ELL: variants seen among roughly 807,000 people sequenced by gnomAD.
ELL encodes elongation factor for RNA polymerase II, also known as RNA polymerase II elongation factor ELL.
In ELL, 18 loss-of-function variants were observed where a neutral mutation model predicts 64.0. The ratio of observed to expected loss-of-function variants is 0.28; its 90% confidence interval spans 0.19 to 0.42. ELL has a LOEUF of 0.42. Ranked by LOEUF, ELL falls within the 10% of genes least tolerant of loss-of-function variation. ELL has a pLI of 1.00. For synonymous variants in ELL, 399 were observed against 376.2 expected, an observed-to-expected ratio of 1.06 and a Z score of -0.70; for missense variants, 797 against 870.4, an observed-to-expected ratio of 0.92 and a Z score of 1.06.
At chr19:18,451,682 G>A in intron 6 of ELL, 34 bp from the exon 7 acceptor site, 9 of 1,463,030 alleles carry the variant, frequency 6.2e-6, no homozygotes, top group Non-Finnish European at 8.0e-6. Context: ...GTCAGAAGGT[G>A]CTGAGGGGGC....
At chr19:18,477,561 T>C (rs1568387155) in intron 1 of ELL, among the ~76,000 whole-genome samples, 2 of 152,068 alleles carry the variant, frequency 1.3e-5, no homozygotes, top group South Asian at 2.1e-4. Flanking sequence ...TCGCCCCAAG[T>C]GCCGAGGTGC....
intron 2 of ELL, among the ~76,000 whole-genome samples, chr19:18,469,951 A>G (rs1975029312): frequency 6.6e-6 from 1 of 152,264 alleles, no homozygotes. Context: ...CGATGAGCCC[A>G]GTGCAGGCTC....
At chr19:18,446,576 C>A (rs1021187996) in intron 9 of ELL, 96 bp from the exon 10 acceptor site, 189 of 1,521,442 alleles carry the variant, frequency 1.2e-4, no homozygotes, top group Middle Eastern at 8.6e-4. Context: ...CCTGGCCTCT[C>A]GGGTGATTCC....
rs376244233 is a variant in ELL at position 18,488,595 on chromosome 19, G to A, written c.136-15713C>T. Among the ~76,000 whole-genome samples, 7 of 152,278 alleles carry A rather than the reference G, an allele frequency of 4.6e-5. No homozygotes were observed. The South Asian group carries it at 1.5e-3, about 32-fold the overall frequency. On this transcript the variant is annotated intron_variant, in intron 1 of 11. Coordinates refer to ENST00000262809, the MANE Select transcript of ELL (RefSeq NM_006532.4). ...GAACATGCTCTGCCAGGTGCTCAGC[G>A]CCCACACACCCTCAAAAGTCTGATC...
At chr19:18,461,214 C>G (rs562208147) in intron 5 of ELL, among the ~76,000 whole-genome samples, 1 of 152,214 alleles carries the variant, frequency 6.6e-6, no homozygotes. Flanking sequence ...CTGCCAGGCA[C>G]GTGTAGATTC....
At chr19:18,494,549 C>T (rs907182312) in intron 1 of ELL, among the ~76,000 whole-genome samples, 4 of 152,120 alleles carry the variant, frequency 2.6e-5, no homozygotes, top group African/African-American at 9.7e-5. Context: ...TGCCACCACA[C>T]CTGACTAATT....
intron 6 of ELL, among the ~76,000 whole-genome samples, chr19:18,454,159 C>T (rs957753325): frequency 2.6e-5 from 4 of 152,138 alleles, no homozygotes; most frequent in African/African-American, 9.7e-5. Flanking sequence ...AAATGGATGA[C>T]TTGTGTTACA....
chr19:18,445,211 AAG>A lies in ELL; in HGVS notation c.1749+11_1749+12del. On this transcript the variant is annotated intron_variant, in intron 11 of 11. Transcript: ENST00000262809. ...GCTCACTTGGAGCCCACCCCAACAC[AAG>A]AGACACTCACCTTTTTGATTTTTCG... The A allele has an allele frequency of 1.9e-6, 3 of 1,614,086 alleles. No individual in the cohort carries two copies. The highest frequency in any genetic ancestry group is 2.5e-6 in the Non-Finnish European group (3 of 1,180,020).
intron 1 of ELL, among the ~76,000 whole-genome samples, chr19:18,498,114 C>T (rs1246970931): frequency 1.3e-5 from 2 of 150,702 alleles, no homozygotes; most frequent in Non-Finnish European, 1.5e-5. Flanking sequence ...GCAACAAGAG[C>T]GAAACTTGGT....
intron 1 of ELL, among the ~76,000 whole-genome samples, chr19:18,511,680 C>T (rs1976026723): frequency 6.6e-6 from 1 of 152,148 alleles, no homozygotes; most frequent in South Asian, 2.1e-4. Context: ...GCCCCAGCTC[C>T]CTCTGACAGT....
At chr19:18,457,037 C>T (rs1462485889) in intron 6 of ELL, among the ~76,000 whole-genome samples, 1 of 152,120 alleles carries the variant, frequency 6.6e-6, no homozygotes, top group South Asian at 2.1e-4. Flanking sequence ...GGGACATCAA[C>T]CCTGCCCCCT....
chr19:18,488,209 C>T (rs190659200), intron 1 of ELL, among the ~76,000 whole-genome samples: 3 of 152,290 alleles, frequency 2.0e-5, no homozygotes, highest in Non-Finnish European at 4.4e-5. Context: ...TGGGTTAGGT[C>T]GTGGGTAAGC....
At chr19:18,515,720 C>A (rs1438390605) in intron 1 of ELL, among the ~76,000 whole-genome samples, 1 of 152,168 alleles carries the variant, frequency 6.6e-6, no homozygotes, top group Admixed American at 6.5e-5. Context: ...CTCTTGGGGA[C>A]GCGGAAAGTT....
At chr19:18,521,608 G>C (rs1217335013) in intron 1 of ELL, among the ~76,000 whole-genome samples, 1 of 151,836 alleles carries the variant, frequency 6.6e-6, no homozygotes, top group African/African-American at 2.4e-5. Flanking sequence ...CCCTGCCCAG[G>C]TGCCCAGCAG....
chr19:18,521,219 G>A (rs1032748062), intron 1 of ELL, among the ~76,000 whole-genome samples: 2 of 152,022 alleles, frequency 1.3e-5, no homozygotes, highest in African/African-American at 4.8e-5. Context: ...CACTCTCCAA[G>A]GAACCTCTCT....
At chr19:18,497,449 T>C (rs1975680016) in intron 1 of ELL, among the ~76,000 whole-genome samples, 1 of 152,150 alleles carries the variant, frequency 6.6e-6, no homozygotes, top group South Asian at 2.1e-4. Flanking sequence ...GGTGGACATG[T>C]CATTATACAT....
rs1363510550 is a variant in ELL at position 18,462,373 on chromosome 19, GGGGC to G, written c.470-525_470-522del. On this transcript the variant is annotated intron_variant, in intron 4 of 11. Transcript: ENST00000262809. ...TGTGTGTGTGTGTGTGTTTGGGCGG[GGGGC>G]GGGGGGGGAAGGATTGTTTTGTTTT... Among the ~76,000 whole-genome samples, 8 of 82,220 alleles carry G rather than the reference GGGGC, an allele frequency of 9.7e-5. 1 individual carries two copies. The highest frequency in any genetic ancestry group is 3.6e-4 in the East Asian group (1 of 2,804). The allele number at this position is 82,220 out of a possible 152,430, so 53.9% of individuals were successfully genotyped here.
intron 8 of ELL, among the ~76,000 whole-genome samples, 163 bp from the exon 9 acceptor site, chr19:18,446,977 C>T (rs1277613124): frequency 6.6e-6 from 1 of 152,192 alleles, no homozygotes; most frequent in Non-Finnish European, 1.5e-5. Context: ...GGGCTGAGCC[C>T]CTCGCACCTG....
chr19:18,492,822 TG>T (rs1975559793), intron 1 of ELL, among the ~76,000 whole-genome samples: 1 of 152,086 alleles, frequency 6.6e-6, no homozygotes, highest in Non-Finnish European at 1.5e-5. Context: ...GGCATGGCCT[TG>T]GGTGGATGAG....
Sources: gnomAD v4.1 joint callset for allele counts (sites outside exome capture counted in the v4.1 genomes callset) on GRCh38, gnomAD v4.1.1 for gene constraint, MANE v1.5 for transcripts, NCBI Gene and HGNC (gene_info 2026-07-23, HGNC 2026-07-21) for gene names.